CELF2: variants seen among roughly 807,000 people sequenced by gnomAD.
The protein encoded by CELF2 is CUG triplet repeat RNA-binding protein 2.
In CELF2, 8 loss-of-function variants were observed where a neutral mutation model predicts 62.6. The ratio of observed to expected loss-of-function variants is 0.13; its 90% confidence interval spans 0.07 to 0.23. The LOEUF (loss-of-function observed/expected upper bound fraction) is 0.23. CELF2 is among the 10% of genes least tolerant of loss of function. The pLI is 1.00. For synonymous variants in CELF2, 258 were observed against 250.0 expected (o/e 1.03, Z -0.30); for missense variants, 333 against 671.0 (o/e 0.50, Z 5.56).
At chr10:11,133,354 C>G (rs924484023) in intron 1 of CELF2, among the ~76,000 whole-genome samples, 6 of 152,252 alleles carry the variant, frequency 3.9e-5, no homozygotes, top group African/African-American at 9.6e-5. Context: ...AAATACTGCT[C>G]TCTCTCCCAT....
chr10:10,713,363 A>G, the CELF2 span, among the ~76,000 whole-genome samples: 1 of 152,202 alleles, frequency 6.6e-6, no homozygotes, highest in African/African-American at 2.4e-5. Flanking sequence ...CTGTGTCCCC[A>G]GAGCCTAGAA....
intron 2 of CELF2, among the ~76,000 whole-genome samples, chr10:11,182,036 G>C (rs2073575994): frequency 6.6e-6 from 1 of 152,248 alleles, no homozygotes; most frequent in Non-Finnish European, 1.5e-5. Context: ...TGTCACTGTA[G>C]TGTGAAAAGC....
chr10:10,619,123 G>A, the CELF2 span, among the ~76,000 whole-genome samples: 1 of 152,190 alleles, frequency 6.6e-6, no homozygotes, highest in African/African-American at 2.4e-5. Flanking sequence ...TTTTCCTATT[G>A]GCACAGCTGC....
the CELF2 span, among the ~76,000 whole-genome samples, chr10:10,462,615 CTTT>C: frequency 1.2e-4 from 8 of 69,416 alleles, no homozygotes; most frequent in Non-Finnish European, 1.3e-4. Flanking sequence ...TTTTTTTCAT[CTTT>C]TTTTTTTTTT....
intron 1 of CELF2, among the ~76,000 whole-genome samples, chr10:10,828,822 A>T (rs1318038746): frequency 1.3e-5 from 2 of 151,700 alleles, no homozygotes; most frequent in Non-Finnish European, 3.0e-5. Context: ...TCATGGAAGG[A>T]CAGGAATGAA....
the CELF2 span, among the ~76,000 whole-genome samples, chr10:10,658,605 A>G: frequency 6.6e-6 from 1 of 152,214 alleles, no homozygotes; most frequent in East Asian, 1.9e-4. Context: ...TTATCATCAA[A>G]GTATTTTAAG....
intron 1 of CELF2, among the ~76,000 whole-genome samples, chr10:10,851,082 AG>A (rs2059356307): frequency 6.6e-6 from 1 of 152,220 alleles, no homozygotes; most frequent in Non-Finnish European, 1.5e-5. Flanking sequence ...CTGGGATTAC[AG>A]GTGTGAGCCA....
chr10:11,271,566 C>G (rs2083790660), intron 7 of CELF2, among the ~76,000 whole-genome samples: 1 of 152,152 alleles, frequency 6.6e-6, no homozygotes. Flanking sequence ...GCCAGTACTC[C>G]AGAGATTTTA....
chr10:10,873,415 G>C (rs146540625), intron 1 of CELF2, among the ~76,000 whole-genome samples: 2 of 152,086 alleles, frequency 1.3e-5, no homozygotes, highest in East Asian at 3.9e-4. Flanking sequence ...ACTATTAATT[G>C]GTTGCCTTTG....
chr10:10,830,132 T>C (rs1028765315), intron 1 of CELF2, among the ~76,000 whole-genome samples: 5 of 152,184 alleles, frequency 3.3e-5, no homozygotes, highest in African/African-American at 4.8e-5. Flanking sequence ...TGAAAAGTTG[T>C]ATAAGACTCC....
Position 11,305,431 on chromosome 10 carries a change from C to T in CELF2, c.977-8708C>T, listed in dbSNP as rs1000701518. Among the ~76,000 whole-genome samples, 2 of 152,238 alleles carry T rather than the reference C, an allele frequency of 1.3e-5. No individual in the cohort carries two copies. The highest frequency in any genetic ancestry group is 4.8e-5 in the African/African-American group (2 of 41,470). On this transcript the variant is annotated intron_variant, in intron 9 of 12. Transcript: ENST00000633077. This position sits in a 1 kb window ranked among gnomAD's most constrained non-coding sequence, Gnocchi z 4.8. ...GTCCCTTCAACACTCTGGGCCTCTG[C>T]TTCCTCATCTTTCAAGCGCAGGAAA...
the CELF2 span, among the ~76,000 whole-genome samples, chr10:10,540,890 A>G: frequency 5.3e-5 from 8 of 152,104 alleles, no homozygotes; most frequent in Non-Finnish European, 5.9e-5. Context: ...CAGCCCCCAA[A>G]AAGACCCACG....
chr10:10,832,854 A>C (rs1353177430), intron 1 of CELF2, among the ~76,000 whole-genome samples: 1 of 152,206 alleles, frequency 6.6e-6, no homozygotes, highest in African/African-American at 2.4e-5. Context: ...AAATTGGCCT[A>C]TCACCACAAA....
intron 2 of CELF2, among the ~76,000 whole-genome samples, chr10:11,205,931 A>T (rs2060329244): frequency 6.6e-6 from 1 of 152,214 alleles, no homozygotes; most frequent in Non-Finnish European, 1.5e-5. Flanking sequence ...CTAGCCTTGG[A>T]TTTCTATAGC....
At chr10:11,063,498 A>G (rs998916711) in intron 1 of CELF2, among the ~76,000 whole-genome samples, 2 of 152,206 alleles carry the variant, frequency 1.3e-5, no homozygotes, top group African/African-American at 4.8e-5. Flanking sequence ...TGTGCATAGC[A>G]TTTCTTATTT....
the CELF2 span, among the ~76,000 whole-genome samples, chr10:10,688,489 A>G: frequency 6.6e-6 from 1 of 152,182 alleles, no homozygotes; most frequent in Non-Finnish European, 1.5e-5. Context: ...ATTCATAAGT[A>G]TCATTGTGCC....
chr10:11,231,320 G>A (rs748177807), intron 3 of CELF2, among the ~76,000 whole-genome samples: 15 of 152,178 alleles, frequency 9.9e-5, no homozygotes, highest in East Asian at 1.9e-4. Context: ...CATGGTCAGC[G>A]TTTGCCTAAA....
the CELF2 span, among the ~76,000 whole-genome samples, chr10:10,566,417 TA>T: frequency 1.3e-4 from 13 of 96,790 alleles, no homozygotes; most frequent in Non-Finnish European, 2.5e-4. Flanking sequence ...TTTTTTTTTT[TA>T]ATTTTTTTTT....
chr10:11,029,228 G>A (rs1273596061), intron 1 of CELF2, among the ~76,000 whole-genome samples: 2 of 152,192 alleles, frequency 1.3e-5, no homozygotes, highest in Non-Finnish European at 2.9e-5. Flanking sequence ...GTTATCTGTA[G>A]CATCTATGTG....
Sources: gnomAD v4.1 joint callset for allele counts (sites outside exome capture counted in the v4.1 genomes callset) on GRCh38, gnomAD v4.1.1 for gene constraint, Gnocchi (gnomAD v3.1) non-coding constraint, MANE v1.5 for transcripts, NCBI Gene and HGNC (gene_info 2026-07-23, HGNC 2026-07-21) for gene names.